The following B3GALT1 variants were observed in gnomAD, a reference collection of about 807,000 sequenced individuals.
The protein encoded by B3GALT1 is beta-1,3-galactosyltransferase 1.
In B3GALT1, 10 loss-of-function variants were observed where a neutral mutation model predicts 23.2. The ratio of observed to expected loss-of-function variants is 0.43; its 90% CI spans 0.27 to 0.73. The LOEUF (loss-of-function observed/expected upper bound fraction) is 0.73. Ranked by LOEUF, B3GALT1 falls within the 30% of genes least tolerant of loss-of-function variation. The pLI, the probability that B3GALT1 is intolerant of heterozygous loss-of-function variation, is 0.21. For missense variants in B3GALT1, 299 were observed against 405.4 expected (o/e 0.74, Z 2.25); for synonymous variants, 156 against 141.5 (o/e 1.10, Z -0.73).
rs148001641 is a variant in B3GALT1 at position 167,400,739 on chromosome 2, A to G, written c.-510-89438A>G. Among the ~76,000 whole-genome samples the G allele has an allele frequency of 6.0e-3, 909 of 152,226 alleles. 10 individuals are homozygous for G. The highest frequency in any genetic ancestry group is 0.021 in the African/African-American group (872 of 41,560). On this transcript the variant is annotated intron_variant, in intron 1 of 4. Coordinates refer to ENST00000392690, the MANE Select transcript of B3GALT1 (RefSeq NM_020981.4). ...AAGGGCTGGAGGGAAAACCTGTGTG[A>G]CAATTTGGCCATCTTGAACTGAACA... is the stretch of plus-strand genomic sequence containing the variant.
intron 3 of B3GALT1, among the ~76,000 whole-genome samples, chr2:167,702,522 G>T (rs558071875): frequency 6.3e-4 from 96 of 152,140 alleles, no homozygotes; most frequent in Admixed American, 2.0e-3. Flanking sequence ...CCCATTTACA[G>T]GAATTAAATG....
chr2:167,693,496 ACTGT>A (rs1412369400), intron 3 of B3GALT1, among the ~76,000 whole-genome samples: 1 of 152,128 alleles, frequency 6.6e-6, no homozygotes, highest in Non-Finnish European at 1.5e-5. Flanking sequence ...AGTGGCAAAC[ACTGT>A]CTGCTGTAAG....
intron 2 of B3GALT1, among the ~76,000 whole-genome samples, chr2:167,565,963 A>G (rs1684155611): frequency 6.6e-6 from 1 of 152,114 alleles, no homozygotes; most frequent in South Asian, 2.1e-4. Flanking sequence ...GGGATGTAGA[A>G]CTAGAAATAC....
At chr2:167,317,062 CG>C (rs1326688181) in intron 1 of B3GALT1, among the ~76,000 whole-genome samples, 2 of 151,960 alleles carry the variant, frequency 1.3e-5, no homozygotes, top group African/African-American at 4.8e-5. Flanking sequence ...AAGGATTGAG[CG>C]GGGTGGATAT....
At chr2:167,464,647 ATTAG>A (rs1331539791) in intron 1 of B3GALT1, among the ~76,000 whole-genome samples, 1 of 152,178 alleles carries the variant, frequency 6.6e-6, no homozygotes, top group Non-Finnish European at 1.5e-5. Flanking sequence ...TTTTCTGATT[ATTAG>A]TTGAGTGAAC....
chr2:167,308,750 T>A (rs1033625838), intron 1 of B3GALT1, among the ~76,000 whole-genome samples: 2 of 152,028 alleles, frequency 1.3e-5, no homozygotes, highest in African/African-American at 4.8e-5. Context: ...GTACTTAATC[T>A]TCTCTTTAAA....
chr2:167,482,108 G>A (rs540016654), intron 1 of B3GALT1, among the ~76,000 whole-genome samples: 2 of 152,174 alleles, frequency 1.3e-5, no homozygotes, highest in African/African-American at 2.4e-5. Context: ...ATTTTGTGTC[G>A]TTCCTTTCCT....
chr2:167,455,080 G>A (rs1699148377), intron 1 of B3GALT1, among the ~76,000 whole-genome samples: 1 of 152,170 alleles, frequency 6.6e-6, no homozygotes, highest in African/African-American at 2.4e-5. Context: ...ATGTACGTAA[G>A]TTCAACATTT....
chr2:167,601,641 G>A (rs1424762642), intron 2 of B3GALT1, among the ~76,000 whole-genome samples: 1 of 152,182 alleles, frequency 6.6e-6, no homozygotes, highest in Non-Finnish European at 1.5e-5. Context: ...TCAGTTCAAA[G>A]AAATTCAGTG....
intron 3 of B3GALT1, among the ~76,000 whole-genome samples, chr2:167,768,669 A>T (rs911164462): frequency 6.6e-6 from 1 of 152,220 alleles, no homozygotes; most frequent in African/African-American, 2.4e-5. Flanking sequence ...CACTGTGTAA[A>T]GTAGAGATTT....
At chr2:167,487,851 G>T (rs1650256712) in intron 1 of B3GALT1, among the ~76,000 whole-genome samples, 1 of 152,100 alleles carries the variant, frequency 6.6e-6, no homozygotes, top group African/African-American at 2.4e-5. Flanking sequence ...GATTTATCGT[G>T]AGTATGCATA....
intron 3 of B3GALT1, among the ~76,000 whole-genome samples, chr2:167,654,895 ACCCAC>A (rs1249855004): frequency 6.6e-6 from 1 of 151,548 alleles, no homozygotes; most frequent in Non-Finnish European, 1.5e-5. Context: ...CCAGGTAACT[ACCCAC>A]TAAATCAGTA....
chr2:167,651,608 G>C (rs1239152471), intron 3 of B3GALT1, among the ~76,000 whole-genome samples: 3 of 152,070 alleles, frequency 2.0e-5, no homozygotes, highest in African/African-American at 7.2e-5. Context: ...CCTACTATGT[G>C]CCATGTATCC....
chr2:167,576,351 T>G (rs1170137312), intron 2 of B3GALT1, among the ~76,000 whole-genome samples: 1 of 151,724 alleles, frequency 6.6e-6, no homozygotes, highest in Non-Finnish European at 1.5e-5. Context: ...GTCTCTCCAA[T>G]TAGAATAGTG....
chr2:167,643,417 T>A (rs1414746561), intron 2 of B3GALT1, among the ~76,000 whole-genome samples: 1 of 152,050 alleles, frequency 6.6e-6, no homozygotes, highest in Non-Finnish European at 1.5e-5. Context: ...AGAGGTGCAC[T>A]GGCATGACTT....
chr2:167,802,213 C>T (rs1322296764), intron 3 of B3GALT1, among the ~76,000 whole-genome samples: 2 of 152,154 alleles, frequency 1.3e-5, no homozygotes, highest in African/African-American at 4.8e-5. Context: ...GTGAAGTGTC[C>T]AGCACACGGA....
chr2:167,822,922 T>C (rs1464749277), intron 4 of B3GALT1, among the ~76,000 whole-genome samples: 1 of 152,232 alleles, frequency 6.6e-6, no homozygotes, highest in Admixed American at 6.5e-5. Context: ...TTTTCTCTTT[T>C]TTCTTCCTGG....
intron 3 of B3GALT1, among the ~76,000 whole-genome samples, chr2:167,692,609 T>A (rs926743388): frequency 5.9e-5 from 9 of 152,124 alleles, no homozygotes; most frequent in Non-Finnish European, 7.4e-5. Flanking sequence ...GCTTTGTAAG[T>A]GCCCTGTGGT....
intron 3 of B3GALT1, among the ~76,000 whole-genome samples, chr2:167,719,545 G>A (rs976302401): frequency 2.7e-4 from 41 of 152,316 alleles, no homozygotes; most frequent in South Asian, 1.0e-3. Context: ...TATACCTGCA[G>A]AGGAAAAGCT....
Sources: allele counts gnomAD v4.1 joint callset (sites outside exome capture counted in the v4.1 genomes callset), GRCh38; gene constraint gnomAD v4.1.1; transcripts MANE v1.5; gene names NCBI Gene and HGNC (gene_info 2026-07-23, HGNC 2026-07-21).